The following CORIN variants were observed in gnomAD, a reference collection of about 807,000 sequenced individuals.
CORIN encodes atrial natriuretic peptide-converting enzyme.
CORIN carries 117 observed loss-of-function variants against 125.3 expected under a neutral mutation model. The observed-to-expected ratio is 0.93, with a 90% CI of 0.80 to 1.09. CORIN has a LOEUF of 1.09. CORIN is among the 50% of genes least tolerant of loss of function. The pLI is 0.00. For missense variants in CORIN, 1,253 were observed against 1,306.7 expected (o/e 0.96, Z 0.63); for synonymous variants, 450 against 466.4 (o/e 0.96, Z 0.45).
chr4:47,774,376 A>G (rs1409108364), intron 3 of CORIN, among the ~76,000 whole-genome samples: 1 of 152,176 alleles, frequency 6.6e-6, no homozygotes, highest in Non-Finnish European at 1.5e-5. Flanking sequence ...TTTAGTTCAT[A>G]TTATTAAACA....
intron 8 of CORIN, 39 bp downstream of exon 8, chr4:47,680,102 T>C: frequency 1.5e-6 from 2 of 1,359,718 alleles, no homozygotes; most frequent in Non-Finnish European, 2.1e-6. Context: ...GAACCAGAAA[T>C]GGAAAAATAA....
rs371773165 is a variant in CORIN, at chr4:47,737,311, C to T, written c.799+7091G>A. ...TCATATATGTGTCTGGCCCATATCA[C>T]ATATACGATCTGGCCATATATGTCT... is the stretch of plus-strand genomic sequence containing the variant. On this transcript the variant is annotated intron_variant, in intron 5 of 21. Transcript: ENST00000273857. Among the ~76,000 whole-genome samples, 24 of 152,330 alleles carry T rather than the reference C, an allele frequency of 1.6e-4. No individual in the cohort carries two copies. In the South Asian group the frequency reaches 3.5e-3, roughly 22 times the overall value.
At chr4:47,661,977 TAAAAG>T in intron 11 of CORIN, 121 bp from the exon 12 acceptor site, 1 of 922,952 alleles carries the variant, frequency 1.1e-6, no homozygotes, top group Non-Finnish European at 1.5e-6. Flanking sequence ...TGTGTGGATA[TAAAAG>T]ATGCACATAT....
In CORIN at chr4:47,657,535, CA is replaced by C. The variant is rs35311151; in HGVS notation, c.1736-3876del. ...GGGCGACAGAGCGAAACTCCGTCTC[CA>C]AAAAAAAAAAAAAAAAAGAAAAAGA... On this transcript the variant is annotated intron_variant, in intron 12 of 21. Coordinates refer to ENST00000273857, the MANE Select transcript of CORIN (RefSeq NM_006587.4). Among the ~76,000 whole-genome samples, 552 of 82,170 alleles carry C rather than the reference CA, an allele frequency of 6.7e-3. 7 individuals are homozygous for C. The East Asian group carries it at 0.095, about 14-fold the overall frequency. 53.9% of individuals were successfully genotyped at this position (82,170 alleles called of 152,430 possible).
At chr4:47,759,235 T>A (rs1410285972) in intron 4 of CORIN, among the ~76,000 whole-genome samples, 1 of 152,174 alleles carries the variant, frequency 6.6e-6, no homozygotes, top group East Asian at 1.9e-4. Context: ...CAAAATGGGT[T>A]AAAGACTTAA....
chr4:47,753,215 G>A (rs1057343099), intron 4 of CORIN, among the ~76,000 whole-genome samples: 5 of 152,066 alleles, frequency 3.3e-5, no homozygotes, highest in African/African-American at 1.2e-4. Flanking sequence ...GGGGGTGTAC[G>A]AACAAGGAAT....
intron 19 of CORIN, among the ~76,000 whole-genome samples, chr4:47,617,911 G>T (rs1257820588): frequency 6.7e-6 from 1 of 150,314 alleles, no homozygotes; most frequent in Non-Finnish European, 1.5e-5. Context: ...AGGAGAGAGA[G>T]ATGTTTAGAA....
chr4:47,652,441 C>T (rs550573856), intron 13 of CORIN, among the ~76,000 whole-genome samples: 2 of 152,186 alleles, frequency 1.3e-5, no homozygotes, highest in East Asian at 1.9e-4. Flanking sequence ...TACTGCCTTA[C>T]GTGCTTGTCA....
At position 47,702,301 on chromosome 4, in the gene CORIN, A is replaced by T. The variant is rs1380603863; in HGVS notation, c.800-9218T>A. Among the ~76,000 whole-genome samples, 5 of 152,336 alleles carry T rather than the reference A, an allele frequency of 3.3e-5. No individual in the cohort carries two copies. The East Asian group carries it at 7.7e-4, about 23-fold the overall frequency. ...CAGGATGGTTTCTATAAAAGAGTTAAATGATTGCATATAAATCTAAGAAAA... is the reference window on the plus strand; with the variant it reads ...CAGGATGGTTTCTATAAAAGAGTTATATGATTGCATATAAATCTAAGAAAA... On this transcript the variant is annotated intron_variant, in intron 5 of 21. Coordinates refer to ENST00000273857, the MANE Select transcript of CORIN (RefSeq NM_006587.4).
At chr4:47,811,596 G>A (rs1253260407) in intron 1 of CORIN, among the ~76,000 whole-genome samples, 1 of 152,166 alleles carries the variant, frequency 6.6e-6, no homozygotes, top group Non-Finnish European at 1.5e-5. Context: ...TATCAGGGAT[G>A]GTTGTCCTTT....
intron 19 of CORIN, among the ~76,000 whole-genome samples, chr4:47,614,576 T>G (rs1002207563): frequency 2.0e-5 from 3 of 152,164 alleles, no homozygotes; most frequent in Non-Finnish European, 2.9e-5. Flanking sequence ...GATGAAAACA[T>G]ACAGGTGCTT....
At chr4:47,768,605 C>CA (rs1230130920) in intron 3 of CORIN, among the ~76,000 whole-genome samples, 5 of 152,094 alleles carry the variant, frequency 3.3e-5, no homozygotes, top group African/African-American at 7.2e-5. Flanking sequence ...AATTCAACAG[C>CA]ACATTAAAAA....
At chr4:47,796,320 C>G (rs1033068265) in intron 2 of CORIN, among the ~76,000 whole-genome samples, 6 of 151,914 alleles carry the variant, frequency 3.9e-5, no homozygotes, top group African/African-American at 1.5e-4. Flanking sequence ...CATGGATGAA[C>G]CTGGGGGCCA....
At chr4:47,765,554 G>C (rs1729694109) in intron 3 of CORIN, among the ~76,000 whole-genome samples, 1 of 152,160 alleles carries the variant, frequency 6.6e-6, no homozygotes, top group African/African-American at 2.4e-5. Flanking sequence ...TGGGTAAACG[G>C]ATAAATGCTT....
At chr4:47,609,048 T>C (rs1430443961) in intron 19 of CORIN, among the ~76,000 whole-genome samples, 8 of 152,162 alleles carry the variant, frequency 5.3e-5, no homozygotes. Flanking sequence ...ACAACTATGA[T>C]AGAAATTTAT....
intron 5 of CORIN, among the ~76,000 whole-genome samples, chr4:47,720,358 G>A (rs905079232): frequency 3.3e-5 from 5 of 152,204 alleles, no homozygotes; most frequent in Admixed American, 3.3e-4. Flanking sequence ...CAAGATGACT[G>A]AGACCAAACC....
At chr4:47,620,347 A>G (rs1213125753) in intron 19 of CORIN, among the ~76,000 whole-genome samples, 1 of 152,262 alleles carries the variant, frequency 6.6e-6, no homozygotes, top group African/African-American at 2.4e-5. Context: ...TTTAAAACTT[A>G]TAATAAATCT....
intron 16 of CORIN, among the ~76,000 whole-genome samples, chr4:47,633,702 A>G (rs1252154512): frequency 6.6e-6 from 1 of 152,212 alleles, no homozygotes; most frequent in Non-Finnish European, 1.5e-5. Context: ...AGTTTCAAAG[A>G]AAATATTTCT....
chr4:47,725,578 G>A (rs1727555787), intron 5 of CORIN, among the ~76,000 whole-genome samples: 2 of 151,734 alleles, frequency 1.3e-5, no homozygotes, highest in African/African-American at 2.4e-5. Context: ...TTTGGAAAAG[G>A]AAAAAAATAC....
Sources: gnomAD v4.1 joint callset for allele counts (sites outside exome capture counted in the v4.1 genomes callset) on GRCh38, gnomAD v4.1.1 for gene constraint, MANE v1.5 for transcripts, NCBI Gene and HGNC (gene_info 2026-07-23, HGNC 2026-07-21) for gene names.